The following PPP2R2C variants were observed in gnomAD, a reference collection of about 807,000 sequenced individuals.
The protein encoded by PPP2R2C is protein phosphatase 2, regulatory subunit B, gamma.
Under a neutral mutation model 45.3 loss-of-function variants are expected in PPP2R2C, and 10 were observed. That is an observed-to-expected ratio of 0.22 (90% CI 0.14 to 0.37). PPP2R2C has a LOEUF of 0.37. Ranked by LOEUF, PPP2R2C falls within the 10% of genes least tolerant of loss-of-function variation. The pLI is 1.00. For synonymous variants in PPP2R2C, 257 were observed against 245.4 expected (o/e 1.05, Z -0.44); for missense variants, 308 against 619.7 (o/e 0.50, Z 5.34).
chr4:6,535,214 GC>G, intron 2 of PPP2R2C: 4 of 1,519,820 alleles, frequency 2.6e-6, no homozygotes, highest in Non-Finnish European at 3.5e-6. Flanking sequence ...GTGACCCACA[GC>G]CCACGTCCCC....
Position 6,518,922 on chromosome 4 carries a change from TAAAAAAA to T in PPP2R2C, c.49+16342_49+16348del, listed in dbSNP as rs56002128. Among the ~76,000 whole-genome samples the T allele has an allele frequency of 2.8e-3, 256 of 92,856 alleles. 2 individuals are homozygous for T. Among genetic ancestry groups the T allele is most frequent in the Non-Finnish European group, 4.2e-3 (210 of 50,498 alleles). The allele number at this position is 92,856 out of a possible 152,430, so 60.9% of individuals were successfully genotyped here. ...TGGGCAACAGAGCAAGACTCTGTCTTAAAAAAAAAAAAAAAAAAAAAAAAAAAAAAAG... is the reference window on the plus strand; with the variant it reads ...TGGGCAACAGAGCAAGACTCTGTCTTAAAAAAAAAAAAAAAAAAAAAAAAG... On this transcript the variant is annotated intron_variant, in intron 2 of 9. Transcript: ENST00000506140.
At chr4:6,531,663 G>A (rs1350036496) in intron 2 of PPP2R2C, among the ~76,000 whole-genome samples, 2 of 151,444 alleles carry the variant, frequency 1.3e-5, no homozygotes, top group African/African-American at 4.9e-5. Flanking sequence ...CAGGTGCTCT[G>A]TGAACCCCAG....
chr4:6,539,154 AG>A (rs1724727341), intron 1 of PPP2R2C, among the ~76,000 whole-genome samples: 1 of 149,442 alleles, frequency 6.7e-6, no homozygotes, highest in Non-Finnish European at 1.5e-5. Context: ...AAAAAAAGAG[AG>A]AGAGGGCGGA....
intron 1 of PPP2R2C, among the ~76,000 whole-genome samples, chr4:6,414,678 G>A (rs985982480): frequency 6.6e-6 from 1 of 151,900 alleles, no homozygotes; most frequent in South Asian, 2.1e-4. Flanking sequence ...GAGAAGGGAG[G>A]GGAACTCTTG....
chr4:6,452,055 C>A (rs993994167), intron 1 of PPP2R2C, among the ~76,000 whole-genome samples: 1 of 152,064 alleles, frequency 6.6e-6, no homozygotes. Context: ...ATCACAGCAC[C>A]CCTCCTCTGC....
intron 1 of PPP2R2C, among the ~76,000 whole-genome samples, chr4:6,548,361 C>G (rs976389214): frequency 1.3e-5 from 2 of 152,198 alleles, no homozygotes; most frequent in African/African-American, 2.4e-5. Flanking sequence ...TCTCCACCTC[C>G]AAGCTTCCTG....
At chr4:6,497,172 C>G (rs1188901602) in intron 2 of PPP2R2C, among the ~76,000 whole-genome samples, 2 of 152,112 alleles carry the variant, frequency 1.3e-5, no homozygotes, top group Admixed American at 1.3e-4. Flanking sequence ...GCAGGACACC[C>G]AGCAGCAGGG....
At position 6,348,943 on chromosome 4, in the gene PPP2R2C, AGAG is replaced by A. The variant is rs1036583252; in HGVS notation, c.626-936_626-934del. On this transcript the variant is annotated intron_variant, in intron 5 of 8. Coordinates refer to ENST00000382599, the MANE Select transcript of PPP2R2C (RefSeq NM_020416.4). ...ATCCCTGACTGTTACACTAGAGCAC[AGAG>A]AAGATGAGCAACTCGTCCGGGGTGG... The A allele has an allele frequency of 2.8e-5, 26 of 917,112 alleles. No homozygotes were observed. The African/African-American group carries it at 4.3e-4, about 15-fold the overall frequency. 56.8% of individuals were successfully genotyped at this position (917,112 alleles called of 1,614,324 possible).
chr4:6,511,693 G>A (rs1420110290), intron 2 of PPP2R2C, among the ~76,000 whole-genome samples: 1 of 72,858 alleles, frequency 1.4e-5, no homozygotes, highest in Non-Finnish European at 2.8e-5. Flanking sequence ...GGAGGTGATG[G>A]TGGTGATGGT....
At chr4:6,369,750 C>T (rs1007240181) in intron 5 of PPP2R2C, among the ~76,000 whole-genome samples, 1 of 152,168 alleles carries the variant, frequency 6.6e-6, no homozygotes, top group Admixed American at 6.5e-5. Flanking sequence ...TCCTTGGCGG[C>T]CCCCACAGCA....
chr4:6,337,208 C>T (rs1733049805), intron 6 of PPP2R2C, among the ~76,000 whole-genome samples: 1 of 134,998 alleles, frequency 7.4e-6, no homozygotes, highest in Non-Finnish European at 1.6e-5. Context: ...CCACAGTTCC[C>T]TTTTCTCTCT....
chr4:6,350,764 C>T, intron 5 of PPP2R2C: 1 of 985,404 alleles, frequency 1.0e-6, no homozygotes, highest in Non-Finnish European at 1.2e-6. Context: ...ATGTCACCTC[C>T]AGGCTGAAGT....
intron 1 of PPP2R2C, among the ~76,000 whole-genome samples, chr4:6,551,627 C>T (rs958002732): frequency 6.6e-6 from 1 of 152,200 alleles, no homozygotes; most frequent in Non-Finnish European, 1.5e-5. Context: ...GGACATTGCA[C>T]CAGGAAACTT....
At chr4:6,375,722 A>G (rs1428486180) in intron 4 of PPP2R2C, 97 bp downstream of exon 4, 1 of 1,074,970 alleles carries the variant, frequency 9.3e-7, no homozygotes, top group Non-Finnish European at 1.4e-6. Flanking sequence ...CAGGGTCTGC[A>G]CCTGACTCTG....
chr4:6,355,445 C>G (rs1211131717), intron 5 of PPP2R2C, among the ~76,000 whole-genome samples: 6 of 151,630 alleles, frequency 4.0e-5, no homozygotes, highest in African/African-American at 7.3e-5. Context: ...GTGCAGCACA[C>G]CAGCATGGCA....
intron 1 of PPP2R2C, among the ~76,000 whole-genome samples, chr4:6,463,214 G>GCT (rs1287221596): frequency 1.3e-5 from 2 of 152,168 alleles, no homozygotes; most frequent in East Asian, 1.9e-4. Context: ...TTGGGAGCTC[G>GCT]CTCTCTCTCT....
At position 6,332,439 on chromosome 4, in the gene PPP2R2C, T is replaced by G. The variant is rs369418032; in HGVS notation, c.960+1123A>C. On this transcript the variant is annotated intron_variant, in intron 7 of 8. Transcript: ENST00000382599. The surrounding 1 kb of genome is among the most constrained non-coding windows in gnomAD (Gnocchi z 4.9). ...GTGGCTGACAAACAGGCGGTCCCCA[T>G]AGCGGTCCTTGTGGGTGTGTGGCTT... is the stretch of plus-strand genomic sequence containing the variant. Among the ~76,000 whole-genome samples, 3 of 152,108 alleles carry G rather than the reference T, an allele frequency of 2.0e-5. No individual in the cohort carries two copies. Among genetic ancestry groups the G allele is most frequent in the Admixed American group, 6.5e-5 (1 of 15,272 alleles).
intron 1 of PPP2R2C, among the ~76,000 whole-genome samples, chr4:6,464,017 T>C (rs1217559507): frequency 3.3e-5 from 5 of 152,154 alleles, no homozygotes; most frequent in African/African-American, 7.2e-5. Flanking sequence ...GTCAGGAGCG[T>C]GGGTTTGGCA....
upstream of PPP2R2C, among the ~76,000 whole-genome samples, chr4:6,476,340 C>A (rs1376435467): frequency 6.6e-6 from 1 of 152,096 alleles, no homozygotes; most frequent in African/African-American, 2.4e-5. Flanking sequence ...AATCCTGTCC[C>A]CTAATGTGAT....
Sources: gnomAD v4.1 joint callset for allele counts (sites outside exome capture counted in the v4.1 genomes callset) on GRCh38, gnomAD v4.1.1 for gene constraint, Gnocchi (gnomAD v3.1) non-coding constraint, MANE v1.5 for transcripts, NCBI Gene and HGNC (gene_info 2026-07-23, HGNC 2026-07-21) for gene names.